Variants in PELI2 observed in about 807,000 individuals in gnomAD.
PELI2 encodes pellino E3 ubiquitin protein ligase family member 2, also known as E3 ubiquitin-protein ligase pellino homolog 2.
A neutral mutation model predicts 42.3 loss-of-function variants in PELI2; 23 were observed. The observed-to-expected ratio is 0.54, with a 90% CI of 0.39 to 0.77. PELI2 has a LOEUF of 0.77. Among genes scored for constraint, PELI2 ranks in the 30% least tolerant of loss-of-function variants. PELI2 has a pLI of 0.00. For synonymous variants in PELI2, 245 were observed against 212.2 expected, an observed-to-expected ratio of 1.15 and a Z score of -1.34; for missense variants, 463 against 553.2, an observed-to-expected ratio of 0.84 and a Z score of 1.64.
chr14:56,199,723 G>A (rs1262607464), intron 2 of PELI2, among the ~76,000 whole-genome samples: 1 of 152,146 alleles, frequency 6.6e-6, no homozygotes, highest in Non-Finnish European at 1.5e-5. Flanking sequence ...AGTTGTTTTG[G>A]TAAATTAAAA....
intron 1 of PELI2, among the ~76,000 whole-genome samples, chr14:56,154,595 A>G (rs935549272): frequency 6.6e-6 from 1 of 152,242 alleles, no homozygotes; most frequent in Non-Finnish European, 1.5e-5. Flanking sequence ...AGTCAGTTAA[A>G]CCTTTTTCCC....
intron 1 of PELI2, among the ~76,000 whole-genome samples, chr14:56,151,138 C>T (rs1451263530): frequency 6.6e-6 from 1 of 152,214 alleles, no homozygotes; most frequent in Non-Finnish European, 1.5e-5. Flanking sequence ...CCATTCCTGC[C>T]CACAGCACCC....
chr14:56,220,979 C>T (rs993103908), intron 2 of PELI2, among the ~76,000 whole-genome samples: 2 of 152,142 alleles, frequency 1.3e-5, no homozygotes, highest in African/African-American at 4.8e-5. Flanking sequence ...AGGCACATAG[C>T]CCTCGTTTAT....
chr14:56,198,115 C>T (rs932607573), intron 2 of PELI2, among the ~76,000 whole-genome samples: 14 of 152,106 alleles, frequency 9.2e-5, no homozygotes, highest in African/African-American at 2.4e-4. Context: ...GAAGAAGCAA[C>T]GGGACTCTCT....
chr14:56,290,025 T>C (rs173352), intron 4 of PELI2, among the ~76,000 whole-genome samples: 116,270 of 152,046 alleles, frequency 0.76, 44,866 homozygotes, highest in African/African-American at 0.86. Flanking sequence ...CCTCGATTTT[T>C]TGCAAGTTCT....
At chr14:56,254,868 C>T (rs762043768) in intron 2 of PELI2, among the ~76,000 whole-genome samples, 4 of 152,132 alleles carry the variant, frequency 2.6e-5, no homozygotes, top group Non-Finnish European at 5.9e-5. Context: ...ATTTATGCAG[C>T]CAACAAATAC....
chr14:56,174,604 A>G (rs932990807), intron 1 of PELI2, among the ~76,000 whole-genome samples: 3 of 152,108 alleles, frequency 2.0e-5, no homozygotes, highest in African/African-American at 7.2e-5. Flanking sequence ...ATGAGTTCTC[A>G]CAAGATCTGA....
At chr14:56,153,286 TATA>T (rs1340777709) in intron 1 of PELI2, among the ~76,000 whole-genome samples, 1 of 152,228 alleles carries the variant, frequency 6.6e-6, no homozygotes, top group Admixed American at 6.5e-5. Flanking sequence ...GGTTTTTGTA[TATA>T]ATGATTTTGG....
At chr14:56,149,397 C>A (rs1361777737) in intron 1 of PELI2, among the ~76,000 whole-genome samples, 2 of 152,152 alleles carry the variant, frequency 1.3e-5, no homozygotes, top group Non-Finnish European at 2.9e-5. Context: ...CGTTCTCTGT[C>A]CTTTTTTATT....
intron 2 of PELI2, among the ~76,000 whole-genome samples, chr14:56,262,234 G>C (rs542289836): frequency 6.6e-6 from 1 of 152,122 alleles, no homozygotes; most frequent in Non-Finnish European, 1.5e-5. Flanking sequence ...ACTAACCCTG[G>C]TATTTTTAGC....
chr14:56,205,524 T>G (rs910963841), intron 2 of PELI2, among the ~76,000 whole-genome samples: 2 of 152,142 alleles, frequency 1.3e-5, no homozygotes, highest in Non-Finnish European at 2.9e-5. Flanking sequence ...GAAATCCTCT[T>G]TTTTGTAATA....
At chr14:56,183,564 G>C (rs1885666141) in intron 2 of PELI2, among the ~76,000 whole-genome samples, 1 of 152,142 alleles carries the variant, frequency 6.6e-6, no homozygotes, top group African/African-American at 2.4e-5. Context: ...TTGGGTTTAT[G>C]GTCCTGATCG....
At chr14:56,164,533 A>G (rs1433273474) in intron 1 of PELI2, among the ~76,000 whole-genome samples, 1 of 152,122 alleles carries the variant, frequency 6.6e-6, no homozygotes, top group Non-Finnish European at 1.5e-5. Flanking sequence ...TGGTTTTGGT[A>G]TCAGGGAAAT....
At chr14:56,179,542 G>T (rs78224625) in intron 2 of PELI2, among the ~76,000 whole-genome samples, 2 of 152,020 alleles carry the variant, frequency 1.3e-5, no homozygotes, top group Non-Finnish European at 2.9e-5. Flanking sequence ...CAAACACCAC[G>T]GAAACAAGAA....
chr14:56,228,891 C>G (rs1030599635), intron 2 of PELI2, among the ~76,000 whole-genome samples: 1 of 152,240 alleles, frequency 6.6e-6, no homozygotes, highest in Admixed American at 6.5e-5. Flanking sequence ...AATCGGGACA[C>G]TCCCACCCTA....
intron 2 of PELI2, among the ~76,000 whole-genome samples, chr14:56,263,331 T>G (rs140503195): frequency 1.2e-3 from 187 of 152,246 alleles, no homozygotes; most frequent in African/African-American, 4.3e-3. Context: ...CTGATAAATA[T>G]GCAAGAATGC....
chr14:56,243,385 T>A (rs1403010928), intron 2 of PELI2, among the ~76,000 whole-genome samples: 1 of 152,166 alleles, frequency 6.6e-6, no homozygotes, highest in Admixed American at 6.5e-5. Context: ...GGCACTGATC[T>A]CTGCAGGCTT....
intron 1 of PELI2, chr14:56,119,788 T>G (rs1595530039): frequency 1.6e-5 from 16 of 983,866 alleles, no homozygotes; most frequent in Non-Finnish European, 1.9e-5. Context: ...CCTTTGGATG[T>G]GTCGCTCTGG....
At chr14:56,257,909 G>A (rs1049664546) in intron 2 of PELI2, among the ~76,000 whole-genome samples, 4 of 152,194 alleles carry the variant, frequency 2.6e-5, no homozygotes, top group African/African-American at 9.7e-5. Flanking sequence ...GCTTCATAGA[G>A]GCATAGAGCT....
Sources: allele counts gnomAD v4.1 joint callset (sites outside exome capture counted in the v4.1 genomes callset), GRCh38; gene constraint gnomAD v4.1.1; transcripts MANE v1.5; gene names NCBI Gene and HGNC (gene_info 2026-07-23, HGNC 2026-07-21).